The following KLHL22 variants were observed in gnomAD, a reference collection of about 807,000 sequenced individuals.
KLHL22 encodes the protein kelch like family member 22, also known as kelch-like protein 22.
A neutral mutation model predicts 60.7 loss-of-function variants in KLHL22; 18 were observed. The observed-to-expected ratio is 0.30, with a 90% confidence interval of 0.20 to 0.44. KLHL22 has a LOEUF of 0.44. Ranked by LOEUF, KLHL22 falls within the 20% of genes least tolerant of loss-of-function variation. KLHL22 has a pLI of 1.00. For missense variants in KLHL22, 596 were observed against 852.3 expected, an observed-to-expected ratio of 0.70 and a Z score of 3.74; for synonymous variants, 355 against 354.5, an observed-to-expected ratio of 1.00 and a Z score of -0.01.
At chr22:20,450,708 T>C in intron 5 of KLHL22, 1 of 1,412,286 alleles carries the variant, frequency 7.1e-7, no homozygotes, top group Non-Finnish European at 1.0e-6. Context: ...AACCAGTCTT[T>C]GAGGCTGTCA....
In KLHL22 at chr22:20,442,996, A is replaced by G. The variant is rs555893455; in HGVS notation, c.1540-558T>C. ...TTCAAAATTGTCCAAACAGTAAACAAAGACATGGAAAAATGTTCAACCTAC... is the reference window on the plus strand; with the variant it reads ...TTCAAAATTGTCCAAACAGTAAACAGAGACATGGAAAAATGTTCAACCTAC... On this transcript the variant is annotated intron_variant, in intron 6 of 6. Coordinates refer to ENST00000328879, the MANE Select transcript of KLHL22 (RefSeq NM_032775.4). Among the ~76,000 whole-genome samples the G allele has an allele frequency of 2.8e-4, 43 of 152,378 alleles. No homozygotes were observed. The South Asian group carries it at 6.8e-3, about 24-fold the overall frequency.
intron 5 of KLHL22, among the ~76,000 whole-genome samples, 192 bp from the exon 6 acceptor site, chr22:20,446,868 C>T (rs1184692428): frequency 6.6e-6 from 1 of 152,258 alleles, no homozygotes; most frequent in Non-Finnish European, 1.5e-5. Flanking sequence ...TGACCTCTAA[C>T]CTCTTCCCAA....
chr22:20,466,427 G>A (rs1057268392), intron 3 of KLHL22, among the ~76,000 whole-genome samples: 1 of 143,680 alleles, frequency 7.0e-6, no homozygotes. Flanking sequence ...AAAGCAGGAA[G>A]CAGCACAAAT....
At chr22:20,475,266 CTG>C (rs1298885938) in intron 2 of KLHL22, 8 of 150,434 alleles carry the variant, frequency 5.3e-5, no homozygotes, top group Admixed American at 6.7e-5. Context: ...GGATCTGTGA[CTG>C]TGAACAATCA....
intron 3 of KLHL22, among the ~76,000 whole-genome samples, chr22:20,466,097 C>T (rs950730174): frequency 1.3e-5 from 2 of 152,022 alleles, no homozygotes; most frequent in Admixed American, 6.6e-5. Context: ...CTGGCTCGGC[C>T]GGGTGCGGTG....
chr22:20,472,452 G>A (rs151093299), intron 2 of KLHL22, among the ~76,000 whole-genome samples: 374 of 152,224 alleles, frequency 2.5e-3, no homozygotes, highest in African/African-American at 8.4e-3. Context: ...TTGGCCGGGC[G>A]TGGTGGCTCA....
intron 5 of KLHL22, among the ~76,000 whole-genome samples, chr22:20,457,500 A>C (rs1444645632): frequency 6.6e-6 from 1 of 152,160 alleles, no homozygotes; most frequent in African/African-American, 2.4e-5. Context: ...CATTTGAACT[A>C]CAAGGTTTAA....
intron 5 of KLHL22, among the ~76,000 whole-genome samples, chr22:20,455,578 G>A (rs1192688629): frequency 6.6e-6 from 1 of 152,068 alleles, no homozygotes; most frequent in Non-Finnish European, 1.5e-5. Context: ...ACCACACCTG[G>A]GGTTTCAAAA....
chr22:20,486,166 CAAAAAAA>C (rs200248872), intron 2 of KLHL22, among the ~76,000 whole-genome samples: 2 of 82,624 alleles, frequency 2.4e-5, no homozygotes, highest in African/African-American at 9.0e-5. Context: ...GATTCCGTCT[CAAAAAAA>C]AAAAAAAAAA....
Position 20,465,627 on chromosome 22 carries a change from G to A in KLHL22, c.394-51C>T, listed in dbSNP as rs777802479. 1.1e-6 allele frequency: 1 copy of A among 906,702 alleles called. No homozygotes were observed. Among genetic ancestry groups the A allele is most frequent in the Admixed American group, 1.7e-5 (1 of 58,862 alleles). 56.2% of individuals were successfully genotyped at this position (906,702 alleles called of 1,614,324 possible). On this transcript the variant is annotated intron_variant, in intron 3 of 6. Coordinates refer to ENST00000328879, the MANE Select transcript of KLHL22 (RefSeq NM_032775.4). This position sits in a 1 kb window ranked among gnomAD's most constrained non-coding sequence, Gnocchi z 4.9. ...AGCCTGGGCTGGTGAACAGCATCTG[G>A]GGGTGGGAGAGAGAATGATGGCAGA...
intron 4 of KLHL22, among the ~76,000 whole-genome samples, chr22:20,463,023 T>C (rs1410070876): frequency 6.6e-6 from 1 of 152,160 alleles, no homozygotes; most frequent in Non-Finnish European, 1.5e-5. Flanking sequence ...CTAAGGCTGA[T>C]GAAATGAGAA....
At chr22:20,450,784 C>A in intron 5 of KLHL22, 2 of 1,365,238 alleles carry the variant, frequency 1.5e-6, no homozygotes, top group Non-Finnish European at 2.1e-6. Flanking sequence ...ACAGTATATG[C>A]AGATGCCCCT....
chr22:20,452,042 C>T (rs1168261973), intron 5 of KLHL22, among the ~76,000 whole-genome samples: 3 of 152,004 alleles, frequency 2.0e-5, no homozygotes, highest in African/African-American at 7.3e-5. Flanking sequence ...GAAAAGAATG[C>T]ACATTGAATG....
intron 2 of KLHL22, among the ~76,000 whole-genome samples, chr22:20,477,812 T>C (rs1174746107): frequency 6.6e-6 from 1 of 152,218 alleles, no homozygotes; most frequent in Non-Finnish European, 1.5e-5. Flanking sequence ...CTTAAACTCC[T>C]GTGCTCAAGT....
intron 2 of KLHL22, among the ~76,000 whole-genome samples, chr22:20,472,075 C>T (rs189660130): frequency 8.5e-4 from 128 of 151,230 alleles, no homozygotes; most frequent in Admixed American, 1.6e-3. Flanking sequence ...GGTGAAACCG[C>T]GTCTCTACTA....
chr22:20,443,945 G>A (rs144817667), intron 6 of KLHL22, among the ~76,000 whole-genome samples: 7 of 151,792 alleles, frequency 4.6e-5, no homozygotes, highest in African/African-American at 9.7e-5. Flanking sequence ...TAGCTACTCC[G>A]GAGGCTGAAG....
intron 2 of KLHL22, among the ~76,000 whole-genome samples, chr22:20,478,945 A>G (rs1427931272): frequency 6.6e-6 from 1 of 151,532 alleles, no homozygotes; most frequent in South Asian, 2.1e-4. Context: ...CTTGGCCAAC[A>G]TGGTGAAACC....
intron 5 of KLHL22, among the ~76,000 whole-genome samples, chr22:20,454,689 A>AT (rs1407424886): frequency 6.6e-6 from 1 of 152,198 alleles, no homozygotes; most frequent in African/African-American, 2.4e-5. Context: ...TATTAATACT[A>AT]TATCAATATG....
intron 2 of KLHL22, among the ~76,000 whole-genome samples, chr22:20,478,508 C>CTTTTTTTTTTTTTTT (rs1196419660): frequency 1.5e-5 from 1 of 67,676 alleles, no homozygotes; most frequent in Non-Finnish European, 2.8e-5. Context: ...AAACTTAATT[C>CTTTTTTTTTTTTTTT]TTTTTTTTTT....
Sources: gnomAD v4.1 joint callset for allele counts (sites outside exome capture counted in the v4.1 genomes callset) on GRCh38, gnomAD v4.1.1 for gene constraint, Gnocchi (gnomAD v3.1) non-coding constraint, MANE v1.5 for transcripts, NCBI Gene and HGNC (gene_info 2026-07-23, HGNC 2026-07-21) for gene names.